SNRNP200: variants seen among roughly 807,000 people sequenced by gnomAD.
The protein encoded by SNRNP200 is U5 small nuclear ribonucleoprotein 200 kDa helicase.
SNRNP200 carries 66 observed loss-of-function variants against 255.2 expected under a neutral mutation model. The ratio of observed to expected loss-of-function variants is 0.26; its 90% CI spans 0.21 to 0.32. The LOEUF (loss-of-function observed/expected upper bound fraction) is 0.32. Ranked by LOEUF, SNRNP200 falls within the 10% of genes least tolerant of loss-of-function variation. The pLI, the probability that SNRNP200 is intolerant of heterozygous loss-of-function variation, is 1.00. For missense variants in SNRNP200, 1,585 were observed against 2,749.8 expected (o/e 0.58, Z 9.47); for synonymous variants, 939 against 1,027.8 (o/e 0.91, Z 1.65).
At chr2:96,296,393 G>A (rs2063916760) in intron 13 of SNRNP200, 143 bp downstream of exon 13, 1 of 828,734 alleles carries the variant, frequency 1.2e-6, no homozygotes, top group African/African-American at 1.7e-5. Context: ...CTTGGAAATG[G>A]GGAGAGAAAA....
rs1159400832 is a variant in SNRNP200, at chr2:96,287,192, C to T, written c.3485-32G>A. On this transcript the variant is annotated intron_variant, in intron 26 of 44. Coordinates refer to ENST00000323853, the MANE Select transcript of SNRNP200 (RefSeq NM_014014.5). This position sits in a 1 kb window ranked among gnomAD's most constrained non-coding sequence, Gnocchi z 5.7. ...GGAAATGAGAGTACTGAGGCTGCAG[C>T]CCAGCCTGCCTACTATACTGCAAAC... The T allele has an allele frequency of 1.9e-6, 3 of 1,613,684 alleles. No homozygotes were observed. Among genetic ancestry groups the T allele is most frequent in the Non-Finnish European group, 2.5e-6 (3 of 1,179,760 alleles).
intron 13 of SNRNP200, 34 bp from the exon 14 acceptor site, chr2:96,295,692 T>C (rs2063912567): frequency 3.1e-6 from 5 of 1,609,140 alleles, no homozygotes; most frequent in Non-Finnish European, 3.4e-6. Flanking sequence ...GCAGGAATGC[T>C]TGAAGGGGCC....
intron 3 of SNRNP200, 90 bp from the exon 4 acceptor site, chr2:96,301,806 C>CTCTT: frequency 1.4e-6 from 2 of 1,384,076 alleles, no homozygotes; most frequent in Non-Finnish European, 2.0e-6. Flanking sequence ...ATGTGAAGAG[C>CTCTT]CACACCTCTT....
At chr2:96,298,735 C>G (rs747713453) in intron 7 of SNRNP200, 33 bp from the exon 8 acceptor site, 22 of 1,613,782 alleles carry the variant, frequency 1.4e-5, no homozygotes, top group Non-Finnish European at 1.8e-5. Context: ...CCATTAAGGC[C>G]AAAGCCATCT....
chr2:96,276,656 G>A (rs1361183355), intron 43 of SNRNP200: 10 of 518,094 alleles, frequency 1.9e-5, no homozygotes, highest in Middle Eastern at 2.9e-4. Context: ...TCCTGACCTC[G>A]TGATCCGCCC....
intron 4 of SNRNP200, 141 bp downstream of exon 4, chr2:96,301,383 A>G (rs1286872376): frequency 8.6e-6 from 8 of 926,566 alleles, no homozygotes; most frequent in Admixed American, 1.8e-5. Flanking sequence ...GTGTCCATCA[A>G]TTGTAACTCT....
At position 96,297,476 on chromosome 2, in the gene SNRNP200, A is replaced by G. The variant is rs911028119; in HGVS notation, c.1264T>C (p.Phe422Leu). The change falls in exon 11 of 45, where the codon TTT becomes CTT. Residue 422 changes from phenylalanine (F) to leucine (L), a missense_variant. By Grantham distance (22) the Phe-to-Leu change is conservative. Coordinates refer to ENST00000323853, the MANE Select transcript of SNRNP200 (RefSeq NM_014014.5). ...EDLVFTQGSH[F>L]MANKRCQLPD... ...AGCTGACAGCGTTTATTGGCCATAA[A>G]GTGGCTCCCTTGGGTAAAAACCAGG... 1.9e-6 allele frequency: 3 copies of G among 1,614,182 alleles called. No individual in the cohort carries two copies. Among genetic ancestry groups the G allele is most frequent in the Non-Finnish European group, 2.5e-6 (3 of 1,180,012 alleles).
In SNRNP200 at chr2:96,276,854, C is replaced by G. The variant is rs778219011; in HGVS notation, c.6174+50G>C. The stretch of plus-strand genomic sequence containing the variant: ...TGTGCCCTTGTACCAAGCACCTAGC[C>G]AATGGATAGGGTGAGTTGACACCTG... On this transcript the variant is annotated intron_variant, in intron 43 of 44. Coordinates refer to ENST00000323853, the MANE Select transcript of SNRNP200 (RefSeq NM_014014.5). 12 of 1,563,832 alleles carry G rather than the reference C, an allele frequency of 7.7e-6. No individual in the cohort carries two copies. The African/African-American group carries it at 1.6e-4, about 21-fold the overall frequency.
intron 31 of SNRNP200, 69 bp downstream of exon 31, chr2:96,284,289 A>G (rs573024815): frequency 4.4e-6 from 6 of 1,375,234 alleles, no homozygotes; most frequent in Non-Finnish European, 6.2e-6. Flanking sequence ...AGACCCAAAC[A>G]TTAGGTCCAA....
In SNRNP200 at chr2:96,290,212, A is replaced by C; in HGVS notation, c.2742+114T>G. On this transcript the variant is annotated intron_variant, in intron 20 of 44. Transcript: ENST00000323853. This position sits in a 1 kb window ranked among gnomAD's most constrained non-coding sequence, Gnocchi z 4.5. ...TCTGCCAGACCCAAGATGTGGGTGC[A>C]GGGATGGAAGGCCTCGGACGCTGCT... The C allele has an allele frequency of 8.4e-7, 1 of 1,193,222 alleles. No homozygotes were observed. 73.9% of individuals were successfully genotyped at this position (1,193,222 alleles called of 1,614,324 possible).
At position 96,303,346 on chromosome 2, in the gene SNRNP200, T is replaced by G; in HGVS notation, c.210-16A>C. On this transcript the variant is annotated splice_polypyrimidine_tract_variant and intron_variant, in intron 2 of 44. Coordinates refer to ENST00000323853, the MANE Select transcript of SNRNP200 (RefSeq NM_014014.5). ...CTTTCTTCGCCTAATGGACATGCAA[T>G]GTGATATTGAATGGCAGAACCTTTC... The G allele has an allele frequency of 6.2e-7, 1 of 1,614,036 alleles. No homozygotes were observed. Among genetic ancestry groups the G allele is most frequent in the Non-Finnish European group, 8.5e-7 (1 of 1,180,004 alleles).
In SNRNP200 at chr2:96,304,737, G is replaced by T. The variant is rs2063976059; in HGVS notation, c.177C>A (p.Thr59=). 1 of 1,614,036 alleles carries T rather than the reference G, an allele frequency of 6.2e-7. No individual in the cohort carries two copies. ...GTRMGDKAQR[T]KPQMQEERRA... ...TTCTTTCCTCCTGCATCTGCGGTTT[G>T]GTCCGTTGAGCCTTGTCTCCCATAC... The change falls in exon 2 of 45, where the codon ACC becomes ACA. Residue 59 remains threonine, a synonymous_variant. Coordinates refer to ENST00000323853, the MANE Select transcript of SNRNP200 (RefSeq NM_014014.5).
rs777147153 is a variant in SNRNP200, at chr2:96,281,806, G to A, written c.5024+8C>T. On this transcript the variant is annotated splice_region_variant and intron_variant, in intron 35 of 44. Transcript: ENST00000323853. ...TCTGTGCTAACACAGAGCACCAGTT[G>A]TACTCACGCGTGGATCTTGCCATTG... 7.5e-6 allele frequency: 12 copies of A among 1,594,084 alleles called. No individual in the cohort carries two copies. In the Admixed American group the frequency reaches 1.7e-4, roughly 22 times the overall value.
chr2:96,286,833 C>T lies in SNRNP200; in HGVS notation c.3684G>A (p.Val1228=), dbSNP rs1321335034. 8.1e-6 allele frequency: 13 copies of T among 1,614,212 alleles called. No individual in the cohort carries two copies. Among genetic ancestry groups the T allele is most frequent in the East Asian group, 2.2e-5 (1 of 44,882 alleles). The part of the protein sequence containing the change: ...SEAFWILVED[V]DSEVILHHEY... Reference sequence around the variant, plus strand: ...CATGGTGCAGAATCACCTCGCTGTCCACATCCTCCACCAGAATCCAAAAAG... The same window carrying T: ...CATGGTGCAGAATCACCTCGCTGTCTACATCCTCCACCAGAATCCAAAAAG... The change falls in exon 28 of 45, where the codon GTG becomes GTA. Residue 1228 remains valine, a synonymous_variant. Coordinates refer to ENST00000323853, the MANE Select transcript of SNRNP200 (RefSeq NM_014014.5). The surrounding 1 kb of genome is among the most constrained non-coding windows in gnomAD (Gnocchi z 4.8).
Position 96,278,607 on chromosome 2 carries a change from C to A in SNRNP200, c.5428G>T (p.Val1810Leu). The A allele has an allele frequency of 6.2e-7, 1 of 1,614,222 alleles. No homozygotes were observed. Among genetic ancestry groups the A allele is most frequent in the Admixed American group, 1.7e-5 (1 of 60,030 alleles). Reference sequence around the variant, plus strand: ...ATCATGCCTAGGTTCAGAGGCGCCACGTCCATCTCGTCCTCGATGCTGATG... The same window carrying A: ...ATCATGCCTAGGTTCAGAGGCGCCAAGTCCATCTCGTCCTCGATGCTGATG... ...KCISIEDEMD[V>L]APLNLGMIAA... Residue 1810 changes from valine to leucine, a missense_variant, in exon 38 of 45, where the codon GTG (valine) becomes TTG (leucine). Coordinates refer to ENST00000323853, the MANE Select transcript of SNRNP200 (RefSeq NM_014014.5). This position sits in a 1 kb window ranked among gnomAD's most constrained non-coding sequence, Gnocchi z 6.9.
Position 96,277,385 on chromosome 2 carries a change from G to A in SNRNP200, c.5932-144C>T. On this transcript the variant is annotated intron_variant, in intron 41 of 44. Coordinates refer to ENST00000323853, the MANE Select transcript of SNRNP200 (RefSeq NM_014014.5). This position sits in a 1 kb window ranked among gnomAD's most constrained non-coding sequence, Gnocchi z 4.4. Reference sequence around the variant, plus strand: ...TGCAGAAAGAACACAGCCCACAGTTGGCAGGCTCTCTAGCATCTCAACAGG... The same window carrying A: ...TGCAGAAAGAACACAGCCCACAGTTAGCAGGCTCTCTAGCATCTCAACAGG... 3.2e-6 allele frequency: 4 copies of A among 1,259,574 alleles called. No individual in the cohort carries two copies. In the Admixed American group the frequency reaches 7.2e-5, roughly 23 times the overall value. The allele number at this position is 1,259,574 out of a possible 1,614,324, so 78.0% of individuals were successfully genotyped here.
chr2:96,285,045 T>C (rs2063835876), intron 30 of SNRNP200, 135 bp downstream of exon 30: 4 of 1,081,052 alleles, frequency 3.7e-6, no homozygotes, highest in Non-Finnish European at 5.5e-6. Context: ...CCACCACGCT[T>C]GGCTGGGGCA....
rs1166038313 is a variant in SNRNP200, at chr2:96,289,810, C to T, written c.2929G>A (p.Gly977Ser). ...CTCACCCCACGCACCTGGAAGTTGC[C>T]CGTCTTCTTGTCGTACTTGACCAGA... ...NNLVKYDKKT[G>S]NFQVTELGRI... is the part of the protein sequence containing the mutation. The change falls in exon 21 of 45, where the codon GGC becomes AGC. Residue 977 changes from glycine to serine, a missense_variant. Gly to Ser is a moderately conservative substitution (Grantham distance 56). Coordinates refer to ENST00000323853, the MANE Select transcript of SNRNP200 (RefSeq NM_014014.5). 2 of 1,613,924 alleles carry T rather than the reference C, an allele frequency of 1.2e-6. No individual in the cohort carries two copies. Among genetic ancestry groups the T allele is most frequent in the African/African-American group, 2.7e-5 (2 of 74,886 alleles).
rs1558763491 is a variant in SNRNP200 at position 96,279,017 on chromosome 2, G to A, written c.5134-19C>T. 2 of 1,599,828 alleles carry A rather than the reference G, an allele frequency of 1.3e-6. No individual in the cohort carries two copies. Among genetic ancestry groups the A allele is most frequent in the Non-Finnish European group, 8.6e-7 (1 of 1,167,070 alleles). ...AGAAATCCTGTGGGTTGGAGAGGGAGAAGGAGTAATAAAGAATTAGTGACA... is the reference window on the plus strand; with the variant it reads ...AGAAATCCTGTGGGTTGGAGAGGGAAAAGGAGTAATAAAGAATTAGTGACA... On this transcript the variant is annotated intron_variant, in intron 36 of 44. Transcript: ENST00000323853.
Sources: allele counts gnomAD v4.1 joint callset, GRCh38; gene constraint gnomAD v4.1.1; non-coding constraint Gnocchi (gnomAD v3.1); transcripts MANE v1.5; gene names NCBI Gene and HGNC (gene_info 2026-07-23, HGNC 2026-07-21).